Variants in KCNMB2 observed in about 807,000 individuals in gnomAD.
KCNMB2 encodes calcium-activated potassium channel subunit beta-2.
A neutral mutation model predicts 24.5 loss-of-function variants in KCNMB2; 9 were observed. The ratio of observed to expected loss-of-function variants is 0.37; its 90% CI spans 0.22 to 0.64. The LOEUF (loss-of-function observed/expected upper bound fraction) is 0.64, where lower values mean the gene tolerates loss of function less well. KCNMB2 is among the 30% of genes least tolerant of loss of function. The probability of loss-of-function intolerance (pLI) is 0.63; values close to 1 mark genes in which losing one functional copy is unlikely to be tolerated. For synonymous variants in KCNMB2, 109 were observed against 104.4 expected (o/e 1.04, Z -0.27); for missense variants, 226 against 284.3 (o/e 0.79, Z 1.47).
chr3:178,731,956 G>A (rs1440277279), intron 1 of KCNMB2, among the ~76,000 whole-genome samples: 7 of 152,084 alleles, frequency 4.6e-5, no homozygotes, highest in Non-Finnish European at 1.0e-4. Context: ...CGAATATACA[G>A]GAAGTACAGG....
Position 178,655,089 on chromosome 3 carries a change from GCTCTCCCTCTCTCT to G in KCNMB2, c.-68+118384_-68+118397del, listed in dbSNP as rs1441734640. 1.4e-3 allele frequency among the ~76,000 whole-genome samples: 108 copies of G among 77,952 alleles called. 1 individual carries two copies. The highest frequency in any genetic ancestry group is 1.8e-3 in the Non-Finnish European group (70 of 38,732). 51.1% of individuals were successfully genotyped at this position (77,952 alleles called of 152,430 possible). On this transcript the variant is annotated intron_variant, in intron 1 of 4. Coordinates refer to ENST00000452583, the MANE Select transcript of KCNMB2 (RefSeq NM_181361.3). ...TTAGTGTAAAGTTCAGTAAATATTA[GCTCTCCCTCTCTCT>G]CTCTCTCTCTCTCTCTCTCTCTCTC... is the stretch of plus-strand genomic sequence containing the variant.
chr3:178,806,441 T>A (rs1713972855), intron 1 of KCNMB2, among the ~76,000 whole-genome samples: 1 of 152,344 alleles, frequency 6.6e-6, no homozygotes, highest in South Asian at 2.1e-4. Flanking sequence ...CTCATGCTTA[T>A]CATTAATATT....
chr3:178,666,315 T>G (rs1282615048), intron 1 of KCNMB2, among the ~76,000 whole-genome samples: 2 of 152,114 alleles, frequency 1.3e-5, no homozygotes, highest in African/African-American at 4.8e-5. Context: ...AATCATTTTT[T>G]AGGGATCAGT....
intron 4 of KCNMB2, among the ~76,000 whole-genome samples, chr3:178,833,362 A>G (rs188646417): frequency 6.6e-6 from 1 of 152,280 alleles, no homozygotes; most frequent in Admixed American, 6.5e-5. Context: ...CAGGGAAAAA[A>G]GGCACCAAAC....
intron 1 of KCNMB2, among the ~76,000 whole-genome samples, chr3:178,627,502 G>T (rs75917477): frequency 2.0e-5 from 3 of 152,106 alleles, no homozygotes; most frequent in Admixed American, 2.0e-4. Flanking sequence ...TTATAAAAGC[G>T]TGTGAGAAAT....
At position 178,843,543 on chromosome 3, in the gene KCNMB2, A is replaced by G. The variant is rs1270768297; in HGVS notation, c.*606A>G. 1 of 185,982 alleles carries G rather than the reference A, an allele frequency of 5.4e-6. No homozygotes were observed. The highest frequency in any genetic ancestry group is 2.4e-5 in the African/African-American group (1 of 41,642). 11.5% of individuals were successfully genotyped at this position (185,982 alleles called of 1,614,324 possible). On this transcript the variant is annotated 3_prime_UTR_variant, in exon 5 of 5. Coordinates refer to ENST00000452583, the MANE Select transcript of KCNMB2 (RefSeq NM_181361.3). The stretch of plus-strand genomic sequence containing the variant: ...TTGTAAAACTAATTTCCAAAATATA[A>G]GCTGTTTTCATTAGCCAGTTCTATA...
chr3:178,699,313 C>T (rs1257677470), intron 1 of KCNMB2, among the ~76,000 whole-genome samples: 1 of 152,200 alleles, frequency 6.6e-6, no homozygotes, highest in Non-Finnish European at 1.5e-5. Flanking sequence ...CCAAGGCTCC[C>T]TGCAATGGTG....
intron 1 of KCNMB2, among the ~76,000 whole-genome samples, chr3:178,595,025 T>G (rs1314235474): frequency 1.4e-5 from 2 of 141,258 alleles, no homozygotes; most frequent in African/African-American, 5.2e-5. Flanking sequence ...TAACGTCTTA[T>G]TATTCCGTGC....
intron 1 of KCNMB2, among the ~76,000 whole-genome samples, chr3:178,742,073 T>C (rs1464667950): frequency 6.6e-6 from 1 of 152,204 alleles, no homozygotes; most frequent in Non-Finnish European, 1.5e-5. Context: ...ATATCTATAA[T>C]AAAAATACAT....
intron 1 of KCNMB2, among the ~76,000 whole-genome samples, chr3:178,576,612 G>A (rs1717000868): frequency 6.6e-6 from 1 of 152,176 alleles, no homozygotes; most frequent in Admixed American, 6.5e-5. Flanking sequence ...CTTGCTGCCA[G>A]CACAGCAGTC....
chr3:178,808,381 G>C (rs963906849), intron 2 of KCNMB2, among the ~76,000 whole-genome samples: 2 of 152,104 alleles, frequency 1.3e-5, no homozygotes, highest in Non-Finnish European at 2.9e-5. Flanking sequence ...GGCAGAATCT[G>C]ATAGAAGTCA....
chr3:178,807,407 A>G lies in KCNMB2; in HGVS notation c.-3A>G, dbSNP rs1265777560. The G allele has an allele frequency of 1.2e-6, 2 of 1,613,080 alleles. No individual in the cohort carries two copies. The highest frequency in any genetic ancestry group is 1.7e-6 in the Non-Finnish European group (2 of 1,179,342). ...AGGAGACCCTGGACCAACATTCTCT[A>G]AGATGTTTATATGGACCAGTGGCCG... On this transcript the variant is annotated 5_prime_UTR_variant, in exon 2 of 5. Transcript: ENST00000452583.
chr3:178,757,535 T>C lies in KCNMB2; in HGVS notation c.-67-49808T>C, dbSNP rs1203122358. Among the ~76,000 whole-genome samples the C allele has an allele frequency of 5.3e-4, 26 of 49,328 alleles. 1 individual carries two copies. Among genetic ancestry groups the C allele is most frequent in the African/African-American group, 2.9e-3 (26 of 9,008 alleles). The allele number at this position is 49,328 out of a possible 152,430, so 32.4% of individuals were successfully genotyped here. A position where few individuals can be genotyped will look rare whatever the true frequency, so the allele number is the denominator to read the frequency against. On this transcript the variant is annotated intron_variant, in intron 1 of 4. Transcript: ENST00000452583. ...ATATATGTATATATATCCAAGAGGATATATATATATGTATATATATCCAAG... is the reference window on the plus strand; with the variant it reads ...ATATATGTATATATATCCAAGAGGACATATATATATGTATATATATCCAAG...
intron 1 of KCNMB2, among the ~76,000 whole-genome samples, chr3:178,733,457 TC>T (rs1263748696): frequency 6.6e-6 from 1 of 152,060 alleles, no homozygotes; most frequent in Admixed American, 6.6e-5. Flanking sequence ...AGGGATATAA[TC>T]TGATTTAAAT....
chr3:178,803,834 C>T (rs1713864310), intron 1 of KCNMB2, among the ~76,000 whole-genome samples: 1 of 152,158 alleles, frequency 6.6e-6, no homozygotes, highest in Non-Finnish European at 1.5e-5. Context: ...ATCATGGAAA[C>T]AGAAACTAGC....
chr3:178,707,576 T>A (rs1433610930), intron 1 of KCNMB2, among the ~76,000 whole-genome samples: 1 of 152,096 alleles, frequency 6.6e-6, no homozygotes, highest in Non-Finnish European at 1.5e-5. Flanking sequence ...ATTAAAACCA[T>A]CTGAGAGCTT....
chr3:178,551,820 A>T (rs1477769), intron 1 of KCNMB2, among the ~76,000 whole-genome samples: 1 of 152,088 alleles, frequency 6.6e-6, no homozygotes, highest in Non-Finnish European at 1.5e-5. Flanking sequence ...CCCAAGGTAC[A>T]CAACTTGTAG....
intron 1 of KCNMB2, among the ~76,000 whole-genome samples, chr3:178,797,719 CT>C (rs1418790907): frequency 2.6e-5 from 4 of 152,194 alleles, no homozygotes; most frequent in Non-Finnish European, 5.9e-5. Flanking sequence ...CTATAAATTA[CT>C]TTGGGCAGTA....
At chr3:178,800,502 A>G (rs1158881732) in intron 1 of KCNMB2, among the ~76,000 whole-genome samples, 6 of 152,106 alleles carry the variant, frequency 3.9e-5, no homozygotes, top group African/African-American at 1.4e-4. Flanking sequence ...AGTTAAAATG[A>G]CTTTTATCCA....
Sources: gnomAD v4.1 joint callset for allele counts (sites outside exome capture counted in the v4.1 genomes callset) on GRCh38, gnomAD v4.1.1 for gene constraint, MANE v1.5 for transcripts, NCBI Gene and HGNC (gene_info 2026-07-23, HGNC 2026-07-21) for gene names.